The following TBC1D14 variants were observed in gnomAD, a reference collection of about 807,000 sequenced individuals.
The protein encoded by TBC1D14 is TBC1 domain family, member 14.
TBC1D14 carries 26 observed loss-of-function variants against 79.0 expected under a neutral mutation model. That is an observed-to-expected ratio of 0.33 (90% CI 0.24 to 0.46). The LOEUF is 0.46. Among genes scored for constraint, TBC1D14 ranks in the 20% least tolerant of loss-of-function variants. The pLI, the probability that TBC1D14 is intolerant of heterozygous loss-of-function variation, is 1.00. For missense variants in TBC1D14, 769 were observed against 887.6 expected (o/e 0.87, Z 1.70); for synonymous variants, 394 against 349.9 (o/e 1.13, Z -1.40).
At chr4:6,946,130 G>T (rs540653502) in intron 2 of TBC1D14, among the ~76,000 whole-genome samples, 1 of 152,108 alleles carries the variant, frequency 6.6e-6, no homozygotes, top group Non-Finnish European at 1.5e-5. Flanking sequence ...GACAAGCCCC[G>T]TGAGGATGGG....
chr4:6,945,523 C>T (rs1203734441), intron 2 of TBC1D14, among the ~76,000 whole-genome samples: 4 of 151,842 alleles, frequency 2.6e-5, no homozygotes, highest in East Asian at 1.9e-4. Context: ...CTGAGGTGGG[C>T]GGATCACCTG....
At chr4:6,916,478 T>C (rs937600176) in intron 1 of TBC1D14, among the ~76,000 whole-genome samples, 4 of 152,218 alleles carry the variant, frequency 2.6e-5, no homozygotes, top group African/African-American at 7.2e-5. Flanking sequence ...ATGAAGACTT[T>C]GGTTAAGACA....
chr4:6,960,998 T>A (rs1715142136), intron 2 of TBC1D14, among the ~76,000 whole-genome samples: 2 of 152,126 alleles, frequency 1.3e-5, no homozygotes, highest in Non-Finnish European at 2.9e-5. Context: ...CGCTCCTAAT[T>A]ATTAGGACAC....
chr4:6,972,138 G>C (rs1365326234), intron 3 of TBC1D14, among the ~76,000 whole-genome samples: 2 of 152,126 alleles, frequency 1.3e-5, no homozygotes, highest in East Asian at 3.8e-4. Flanking sequence ...CCTTTTGTTT[G>C]TTTCACAGAT....
intron 2 of TBC1D14, among the ~76,000 whole-genome samples, chr4:6,953,437 C>G (rs1452931303): frequency 8.5e-6 from 1 of 118,308 alleles, no homozygotes. Flanking sequence ...CTGGCTAACA[C>G]GGTGAAACCC....
At chr4:6,989,766 T>C (rs572918351) in intron 3 of TBC1D14, among the ~76,000 whole-genome samples, 104 of 152,206 alleles carry the variant, frequency 6.8e-4, no homozygotes, top group African/African-American at 2.4e-3. Flanking sequence ...GCCCTCTGCA[T>C]GAGACTGGGG....
At chr4:6,935,713 G>C (rs530664892) in intron 2 of TBC1D14, among the ~76,000 whole-genome samples, 2 of 151,056 alleles carry the variant, frequency 1.3e-5, no homozygotes, top group South Asian at 4.2e-4. Flanking sequence ...GTGTGATCTC[G>C]GCTCAATGCA....
chr4:7,003,991 G>C (rs2109215530), intron 7 of TBC1D14, among the ~76,000 whole-genome samples: 1 of 152,252 alleles, frequency 6.6e-6, no homozygotes, highest in Non-Finnish European at 1.5e-5. Flanking sequence ...CTGGGCGACA[G>C]AGCAAGACTC....
chr4:6,956,307 A>AC (rs1039350068), intron 2 of TBC1D14, among the ~76,000 whole-genome samples: 1 of 151,878 alleles, frequency 6.6e-6, no homozygotes, highest in African/African-American at 2.4e-5. Flanking sequence ...AGGACAGACC[A>AC]CCCCTGGCCA....
Position 7,030,811 on chromosome 4 carries a change from C to A in TBC1D14, c.*419C>A. 6.4e-6 allele frequency: 1 copy of A among 157,286 alleles called. No individual in the cohort carries two copies. Among genetic ancestry groups the A allele is most frequent in the Admixed American group, 6.3e-5 (1 of 15,846 alleles). 9.7% of individuals were successfully genotyped at this position (157,286 alleles called of 1,614,324 possible). ...GCTTTGGCTGATATTTACATGTTTT[C>A]GATAAGAAAGGGATCGCTGATTGAG... On this transcript the variant is annotated 3_prime_UTR_variant, in exon 14 of 14. Coordinates refer to ENST00000409757, the MANE Select transcript of TBC1D14 (RefSeq NM_020773.3).
At chr4:6,969,614 C>T (rs1414679501) in intron 3 of TBC1D14, among the ~76,000 whole-genome samples, 2 of 152,042 alleles carry the variant, frequency 1.3e-5, no homozygotes, top group South Asian at 2.1e-4. Flanking sequence ...AACATGTTAG[C>T]CAGGATGGTC....
chr4:7,027,468 C>T (rs562713140), intron 13 of TBC1D14, among the ~76,000 whole-genome samples: 125 of 139,804 alleles, frequency 8.9e-4, no homozygotes, highest in Non-Finnish European at 1.3e-3. Context: ...ATCACCCCCA[C>T]GCACACTCAT....
intron 2 of TBC1D14, among the ~76,000 whole-genome samples, chr4:6,927,742 G>A (rs189478323): frequency 2.0e-4 from 31 of 152,328 alleles, no homozygotes; most frequent in African/African-American, 6.3e-4. Flanking sequence ...TCCCCAAGTT[G>A]TGAGAGCCAA....
Position 7,009,904 on chromosome 4 carries a change from A to C in TBC1D14, c.1474A>C (p.Ser492Arg). The C allele has an allele frequency of 1.2e-6, 2 of 1,614,212 alleles. No homozygotes were observed. Among genetic ancestry groups the C allele is most frequent in the Non-Finnish European group, 1.7e-6 (2 of 1,180,044 alleles). Residue 492 changes from serine to arginine, a missense_variant, in exon 10 of 14, where the codon AGT becomes CGT. Ser to Arg is a moderately radical substitution (Grantham distance 110). This residue lies in a region of TBC1D14 where 367 missense variants were observed against 494.4 expected (regional missense o/e 0.74). Coordinates refer to ENST00000409757, the MANE Select transcript of TBC1D14 (RefSeq NM_020773.3). ...TGGTCCATATCATGACATGTTGCAC[A>C]GTATTTTGGGCGCTTATACTTGTTA... ...QGGPYHDMLH[S>R]ILGAYTCYRP...
At chr4:6,998,414 A>AAT (rs1719293357) in intron 5 of TBC1D14, among the ~76,000 whole-genome samples, 1 of 151,586 alleles carries the variant, frequency 6.6e-6, no homozygotes, top group South Asian at 2.1e-4. Context: ...TGGAGCTTGC[A>AAT]TTTGGAAGGG....
chr4:6,955,860 C>T (rs1340624581), intron 2 of TBC1D14, among the ~76,000 whole-genome samples: 3 of 152,274 alleles, frequency 2.0e-5, no homozygotes, highest in African/African-American at 4.8e-5. Flanking sequence ...GTAGCAGCCT[C>T]GGACACGTAA....
chr4:6,957,404 G>C (rs1201715250), intron 2 of TBC1D14, among the ~76,000 whole-genome samples: 3 of 152,238 alleles, frequency 2.0e-5, no homozygotes, highest in African/African-American at 7.2e-5. Context: ...TAAATATTTA[G>C]GTAAAGAAAT....
intron 2 of TBC1D14, among the ~76,000 whole-genome samples, chr4:6,931,823 A>G (rs971177430): frequency 1.3e-5 from 2 of 152,116 alleles, no homozygotes; most frequent in Non-Finnish European, 1.5e-5. Flanking sequence ...GCACTGTTCT[A>G]GGTGCTTGGG....
At chr4:6,949,449 G>A (rs996335606) in intron 2 of TBC1D14, among the ~76,000 whole-genome samples, 2 of 152,172 alleles carry the variant, frequency 1.3e-5, no homozygotes, top group East Asian at 1.9e-4. Flanking sequence ...TTGGGAAGCC[G>A]AGGCAGGTGT....
Sources: allele counts gnomAD v4.1 joint callset (sites outside exome capture counted in the v4.1 genomes callset), GRCh38; gene constraint gnomAD v4.1.1; regional missense constraint gnomAD v4.1.1; transcripts MANE v1.5; gene names NCBI Gene and HGNC (gene_info 2026-07-23, HGNC 2026-07-21).